Variants in TRIM14 observed in about 807,000 individuals in gnomAD.
The protein encoded by TRIM14 is tripartite motif containing 14, also known as tripartite motif-containing protein 14.
In TRIM14, 28 loss-of-function variants were observed where a neutral mutation model predicts 44.5. That is an observed-to-expected ratio of 0.63 (90% CI 0.47 to 0.86). The LOEUF (loss-of-function observed/expected upper bound fraction) is 0.86. Ranked by LOEUF, TRIM14 falls within the 40% of genes least tolerant of loss-of-function variation. The pLI, the probability that TRIM14 is intolerant of heterozygous loss-of-function variation, is 0.00. For synonymous variants in TRIM14, 299 were observed against 269.2 expected (o/e 1.11, Z -1.08); for missense variants, 607 against 611.1 (o/e 0.99, Z 0.07).
chr9:98,107,918 T>A (rs1826683367), intron 2 of TRIM14, among the ~76,000 whole-genome samples: 3 of 152,090 alleles, frequency 2.0e-5, no homozygotes. Context: ...TCTGCCTGCC[T>A]CAGCCTACCA....
chr9:98,061,245 G>A, the TRIM14 span: 1 of 469,496 alleles, frequency 2.1e-6, no homozygotes, highest in Non-Finnish European at 3.9e-6. Context: ...GGGAGACTGA[G>A]GGGGATGGAT....
chr9:98,117,356 G>C (rs1244553786), intron 1 of TRIM14, among the ~76,000 whole-genome samples: 1 of 152,002 alleles, frequency 6.6e-6, no homozygotes, highest in African/African-American at 2.4e-5. Context: ...GGAGTGCGGT[G>C]GCGTGATCTC....
the TRIM14 span, among the ~76,000 whole-genome samples, chr9:98,060,282 A>G: frequency 6.6e-6 from 1 of 152,266 alleles, no homozygotes. Flanking sequence ...CCCATCTCCA[A>G]ACAACCTTTT....
At chr9:98,051,313 T>C in the TRIM14 span, among the ~76,000 whole-genome samples, 1 of 152,196 alleles carries the variant, frequency 6.6e-6, no homozygotes, top group Non-Finnish European at 1.5e-5. Flanking sequence ...ATGAAGAGTC[T>C]ACTCGCTTAA....
At chr9:98,110,007 A>C in intron 1 of TRIM14, 23 bp from the exon 2 acceptor site, 1 of 1,583,240 alleles carries the variant, frequency 6.3e-7, no homozygotes, top group Non-Finnish European at 8.7e-7. Context: ...GAGTTAGGAA[A>C]AAAGTCGTAA....
At chr9:98,057,922 GTTTTTTTTTTT>G in the TRIM14 span, among the ~76,000 whole-genome samples, 2 of 78,086 alleles carry the variant, frequency 2.6e-5, no homozygotes, top group African/African-American at 1.1e-4. Flanking sequence ...TTTTTTCCTG[GTTTTTTTTTTT>G]TTTTTTTTTG....
downstream of TRIM14, among the ~76,000 whole-genome samples, chr9:98,079,902 C>T (rs1829776140): frequency 6.6e-6 from 1 of 152,178 alleles, no homozygotes; most frequent in Admixed American, 6.6e-5. Context: ...GCCACCTAAC[C>T]CTCCTAATCT....
At chr9:98,096,784 C>T (rs1321469468) in intron 3 of TRIM14, among the ~76,000 whole-genome samples, 1 of 152,192 alleles carries the variant, frequency 6.6e-6, no homozygotes, top group Non-Finnish European at 1.5e-5. Flanking sequence ...TTGTGGCCTC[C>T]TCCCAAGTTC....
chr9:98,056,205 G>A, the TRIM14 span, among the ~76,000 whole-genome samples: 1 of 152,284 alleles, frequency 6.6e-6, no homozygotes, highest in Admixed American at 6.5e-5. Flanking sequence ...TACAAGCCAA[G>A]TATTGTGATC....
chr9:98,073,429 C>T (rs909927669), intron 6 of TRIM14, among the ~76,000 whole-genome samples: 2 of 151,694 alleles, frequency 1.3e-5, no homozygotes, highest in Admixed American at 6.6e-5. Flanking sequence ...GGATTACAGA[C>T]ACACACCAAC....
chr9:98,094,010 C>A (rs868150406), intron 4 of TRIM14, among the ~76,000 whole-genome samples: 1 of 152,190 alleles, frequency 6.6e-6, no homozygotes. Flanking sequence ...TCCCAAAGTG[C>A]TGGGATTACA....
chr9:98,056,738 CAGAGT>C, the TRIM14 span: 1 of 1,558,548 alleles, frequency 6.4e-7, no homozygotes, highest in South Asian at 1.2e-5. Context: ...GCTCACAGAA[CAGAGT>C]AGAGGCGGCG....
chr9:98,078,119 C>T, intron 6 of TRIM14: 1 of 1,588,462 alleles, frequency 6.3e-7, no homozygotes, highest in Non-Finnish European at 8.6e-7. Context: ...ATGAGACCAG[C>T]AGTTGGGATG....
chr9:98,072,495 T>G (rs531506002), intron 6 of TRIM14, among the ~76,000 whole-genome samples: 1 of 150,960 alleles, frequency 6.6e-6, no homozygotes, highest in East Asian at 2.0e-4. Flanking sequence ...CACTGCAACC[T>G]CCACCTCACG....
intron 6 of TRIM14, chr9:98,078,299 C>T: frequency 1.2e-6 from 2 of 1,614,042 alleles, no homozygotes; most frequent in South Asian, 2.2e-5. Flanking sequence ...TGCAGTGTAC[C>T]AGCGCATACC....
At chr9:98,092,687 C>A (rs1030531315) in intron 4 of TRIM14, 1 of 164,306 alleles carries the variant, frequency 6.1e-6, no homozygotes, top group Non-Finnish European at 1.4e-5. Context: ...TGTAAACAGA[C>A]CGTAGCCTGC....
At chr9:98,077,986 C>T (rs543379578) in intron 6 of TRIM14, 15 of 616,768 alleles carry the variant, frequency 2.4e-5, no homozygotes, top group Non-Finnish European at 3.6e-5. Context: ...AGAACACTGT[C>T]GGGGGGCAGA....
chr9:98,051,558 T>C, the TRIM14 span, among the ~76,000 whole-genome samples: 4 of 152,152 alleles, frequency 2.6e-5, no homozygotes, highest in South Asian at 8.3e-4. Context: ...TTTCTAATCA[T>C]TGCCCCTTTT....
At chr9:98,047,297 T>A in the TRIM14 span, among the ~76,000 whole-genome samples, 1 of 152,178 alleles carries the variant, frequency 6.6e-6, no homozygotes, top group Non-Finnish European at 1.5e-5. Flanking sequence ...CCCCACCACG[T>A]GGAACTGTGA....
Sources: allele counts gnomAD v4.1 joint callset (sites outside exome capture counted in the v4.1 genomes callset), GRCh38; gene constraint gnomAD v4.1.1; transcripts MANE v1.5; gene names NCBI Gene and HGNC (gene_info 2026-07-23, HGNC 2026-07-21).